Variants in ADAMTSL1 observed in about 807,000 individuals in gnomAD.
ADAMTSL1 encodes the protein ADAMTS-like protein 1.
Under a neutral mutation model 201.8 loss-of-function variants are expected in ADAMTSL1, and 126 were observed. That is an observed-to-expected ratio of 0.62 (90% CI 0.54 to 0.72). The LOEUF (loss-of-function observed/expected upper bound fraction) is 0.72, where lower values mean the gene tolerates loss of function less well. Among genes scored for constraint, ADAMTSL1 ranks in the 30% least tolerant of loss-of-function variants. The pLI, the probability that ADAMTSL1 is intolerant of heterozygous loss-of-function variation, is 0.00. For synonymous variants in ADAMTSL1, 1,121 were observed against 903.4 expected (o/e 1.24, Z -4.32); for missense variants, 2,679 against 2,277.8 (o/e 1.18, Z -3.59).
At chr9:17,957,386 G>C (rs894936351) in intron 1 of ADAMTSL1, among the ~76,000 whole-genome samples, 2 of 152,066 alleles carry the variant, frequency 1.3e-5, no homozygotes, top group African/African-American at 4.8e-5. Flanking sequence ...AGCATGGCTT[G>C]GAAGCCAATG....
At chr9:18,059,014 A>T (rs1563975209) in intron 1 of ADAMTSL1, among the ~76,000 whole-genome samples, 1 of 152,222 alleles carries the variant, frequency 6.6e-6, no homozygotes, top group African/African-American at 2.4e-5. Flanking sequence ...AGCCTAAGCA[A>T]TCACATCATG....
At chr9:18,391,983 C>T (rs1429113672) in intron 2 of ADAMTSL1, among the ~76,000 whole-genome samples, 1 of 151,826 alleles carries the variant, frequency 6.6e-6, no homozygotes, top group Non-Finnish European at 1.5e-5. Context: ...CGCCACCATG[C>T]CCAGCGAATT....
intron 2 of ADAMTSL1, among the ~76,000 whole-genome samples, chr9:18,467,009 C>T (rs1821033072): frequency 6.6e-6 from 1 of 152,156 alleles, no homozygotes; most frequent in Non-Finnish European, 1.5e-5. Context: ...TCTCTACTGT[C>T]ATCTCTGTGA....
chr9:18,092,099 A>G (rs1415405994), intron 1 of ADAMTSL1, among the ~76,000 whole-genome samples: 3 of 152,180 alleles, frequency 2.0e-5, no homozygotes, highest in Non-Finnish European at 4.4e-5. Flanking sequence ...ACCTGAAAAA[A>G]TAATCATTCA....
At chr9:18,115,353 A>G (rs1825205947) in intron 1 of ADAMTSL1, among the ~76,000 whole-genome samples, 1 of 152,188 alleles carries the variant, frequency 6.6e-6, no homozygotes, top group South Asian at 2.1e-4. Flanking sequence ...GCAGGCAGGA[A>G]GGCAGGCAGG....
At chr9:18,557,021 G>A (rs768474781) in intron 3 of ADAMTSL1, among the ~76,000 whole-genome samples, 5 of 151,948 alleles carry the variant, frequency 3.3e-5, no homozygotes, top group Non-Finnish European at 5.9e-5. Flanking sequence ...AAGTTGGAAA[G>A]AGATTAGGGA....
intron 3 of ADAMTSL1, among the ~76,000 whole-genome samples, chr9:18,541,506 A>G (rs950280335): frequency 2.0e-4 from 30 of 151,206 alleles, no homozygotes; most frequent in Non-Finnish European, 4.3e-4. Flanking sequence ...GCAAAACTCC[A>G]TCTCAAAGAA....
intron 1 of ADAMTSL1, among the ~76,000 whole-genome samples, chr9:18,140,552 G>A (rs1826355685): frequency 6.6e-6 from 1 of 152,114 alleles, no homozygotes; most frequent in Non-Finnish European, 1.5e-5. Context: ...GATTTTTACT[G>A]GGGGCTAGTC....
At chr9:18,713,398 G>A (rs1832728296) in intron 14 of ADAMTSL1, among the ~76,000 whole-genome samples, 5 of 152,196 alleles carry the variant, frequency 3.3e-5, no homozygotes, top group Admixed American at 3.3e-4. Flanking sequence ...TAAAAGGATG[G>A]AGGAAGATCT....
chr9:18,235,766 G>T (rs577030211), intron 2 of ADAMTSL1, among the ~76,000 whole-genome samples: 2 of 152,230 alleles, frequency 1.3e-5, no homozygotes, highest in East Asian at 3.9e-4. Context: ...TTTGCCTCCT[G>T]CATTGATCTT....
At chr9:18,212,308 T>C (rs10963523) in intron 2 of ADAMTSL1, among the ~76,000 whole-genome samples, 51,635 of 151,984 alleles carry the variant, frequency 0.34, 8,914 homozygotes, top group Admixed American at 0.42. Context: ...TATGACCATG[T>C]TTGACCTCCT....
intron 1 of ADAMTSL1, among the ~76,000 whole-genome samples, chr9:17,961,893 A>G (rs1460727137): frequency 6.6e-6 from 1 of 152,036 alleles, no homozygotes; most frequent in Non-Finnish European, 1.5e-5. Flanking sequence ...CCTTTTCAGA[A>G]CTCCCTGGAG....
chr9:18,117,268 C>G (rs1244238440), intron 1 of ADAMTSL1, among the ~76,000 whole-genome samples: 1 of 152,100 alleles, frequency 6.6e-6, no homozygotes, highest in Non-Finnish European at 1.5e-5. Flanking sequence ...TGTTGTCTGC[C>G]CCTCTTTCAG....
At chr9:18,498,400 G>A (rs186775904) in intron 1 of ADAMTSL1, among the ~76,000 whole-genome samples, 3 of 145,372 alleles carry the variant, frequency 2.1e-5, no homozygotes, top group East Asian at 2.1e-4. Flanking sequence ...GCATTGGCCC[G>A]ATCTCAGCTC....
At chr9:18,002,924 A>G (rs1819670464) in intron 1 of ADAMTSL1, among the ~76,000 whole-genome samples, 1 of 152,060 alleles carries the variant, frequency 6.6e-6, no homozygotes. Context: ...TTGCTATTAC[A>G]CTGTGACTGC....
chr9:18,049,022 T>A (rs1490993322), intron 1 of ADAMTSL1, among the ~76,000 whole-genome samples: 2 of 152,156 alleles, frequency 1.3e-5, no homozygotes, highest in African/African-American at 2.4e-5. Context: ...CTGTCATTCA[T>A]GGTGTTTCTT....
chr9:18,183,707 C>G (rs892965082), intron 2 of ADAMTSL1, among the ~76,000 whole-genome samples: 3 of 152,212 alleles, frequency 2.0e-5, no homozygotes, highest in Admixed American at 1.3e-4. Context: ...AATCCAAACG[C>G]TGACATCATG....
intron 21 of ADAMTSL1, among the ~76,000 whole-genome samples, chr9:18,820,203 G>A (rs1563828774): frequency 6.6e-6 from 1 of 152,196 alleles, no homozygotes; most frequent in Non-Finnish European, 1.5e-5. Flanking sequence ...TCATTTAGCA[G>A]TTTTTTATGG....
intron 2 of ADAMTSL1, among the ~76,000 whole-genome samples, chr9:18,230,727 C>T (rs1194376979): frequency 1.3e-5 from 2 of 152,064 alleles, no homozygotes; most frequent in Non-Finnish European, 2.9e-5. Context: ...ATTACTTTTT[C>T]CTAAACATTA....
Sources: allele counts gnomAD v4.1 joint callset (sites outside exome capture counted in the v4.1 genomes callset), GRCh38; gene constraint gnomAD v4.1.1; transcripts MANE v1.5; gene names NCBI Gene and HGNC (gene_info 2026-07-23, HGNC 2026-07-21).